Variants in SNX33 observed in about 807,000 individuals in gnomAD.
SNX33 encodes sorting nexin 33.
In SNX33, 19 loss-of-function variants were observed where a neutral mutation model predicts 38.8. That is an observed-to-expected ratio of 0.49 (90% CI 0.34 to 0.72). The LOEUF (loss-of-function observed/expected upper bound fraction) is 0.72, where lower values mean the gene tolerates loss of function less well. Ranked by LOEUF, SNX33 falls within the 30% of genes least tolerant of loss-of-function variation. The pLI is 0.01. For synonymous variants in SNX33, 246 were observed against 289.7 expected, an observed-to-expected ratio of 0.85 and a Z score of 1.53; for missense variants, 641 against 776.4, an observed-to-expected ratio of 0.83 and a Z score of 2.07.
chr15:75,653,796 T>A (rs913285048), intron 1 of SNX33, among the ~76,000 whole-genome samples: 2 of 152,158 alleles, frequency 1.3e-5, no homozygotes, highest in Admixed American at 1.3e-4. Context: ...GGGTTCAGCC[T>A]CTGGGTTCTG....
Position 75,649,939 on chromosome 15 carries a change from C to G in SNX33, c.837C>G (p.His279Gln). ...ACTGGCTCTATAACCGCCTGCTACA[C>G]AAGTTCACTGTCATCTCGGTGCCCC... ...HFDWLYNRLL[H>Q]KFTVISVPHL... The change falls in exon 1 of 2, where the codon CAC becomes CAG. Residue 279 changes from histidine to glutamine, a missense_variant. His to Gln is a conservative substitution (Grantham distance 24, BLOSUM62 0). Coordinates refer to ENST00000308527, the MANE Select transcript of SNX33 (RefSeq NM_153271.2). The surrounding 1 kb of genome is among the most constrained non-coding windows in gnomAD (Gnocchi z 6.6). 6.2e-7 allele frequency: 1 copy of G among 1,603,350 alleles called. No individual in the cohort carries two copies. Among genetic ancestry groups the G allele is most frequent in the Non-Finnish European group, 8.5e-7 (1 of 1,175,120 alleles).
chr15:75,659,047 G>A lies in SNX33; in HGVS notation c.*1832G>A, dbSNP rs1467480522. The A allele has an allele frequency of 6.6e-6, 1 of 152,334 alleles. No individual in the cohort carries two copies. The highest frequency in any genetic ancestry group is 1.5e-5 in the Non-Finnish European group (1 of 68,104). 9.4% of individuals were successfully genotyped at this position (152,334 alleles called of 1,614,324 possible). On this transcript the variant is annotated 3_prime_UTR_variant, in exon 2 of 2. Coordinates refer to ENST00000308527, the MANE Select transcript of SNX33 (RefSeq NM_153271.2). ...TTGCCCTTGAAAAGCCCTAGTCCAG[G>A]GGAGGGAAGTGGGGGACTCAGAAGC...
At position 75,649,937 on chromosome 15, in the gene SNX33, C is replaced by T. The variant is rs766937527; in HGVS notation, c.835C>T (p.His279Tyr). The T allele has an allele frequency of 1.2e-6, 2 of 1,602,930 alleles. No individual in the cohort carries two copies. Among genetic ancestry groups the T allele is most frequent in the Non-Finnish European group, 1.7e-6 (2 of 1,174,916 alleles). The change falls in exon 1 of 2, where the codon CAC (histidine) becomes TAC (tyrosine). Residue 279 changes from histidine (H) to tyrosine (Y), a missense_variant. Coordinates refer to ENST00000308527, the MANE Select transcript of SNX33 (RefSeq NM_153271.2). This position sits in a 1 kb window ranked among gnomAD's most constrained non-coding sequence, Gnocchi z 6.6. Reference sequence around the variant, plus strand: ...TGACTGGCTCTATAACCGCCTGCTACACAAGTTCACTGTCATCTCGGTGCC... The same window carrying T: ...TGACTGGCTCTATAACCGCCTGCTATACAAGTTCACTGTCATCTCGGTGCC... ...HFDWLYNRLLHKFTVISVPHL... is the reference protein window; with the variant it reads ...HFDWLYNRLLYKFTVISVPHL...
At position 75,661,318 on chromosome 15, in the gene SNX33, T is replaced by G. The variant is rs1486008192; in HGVS notation, c.*4103T>G. ...CCGCCCTGCCCGCCTGCCCGCTGAC[T>G]CAGGCCTCCAGGAGCCAAGCCTGCT... On this transcript the variant is annotated 3_prime_UTR_variant, in exon 2 of 2. Transcript: ENST00000308527. This position sits in a 1 kb window ranked among gnomAD's most constrained non-coding sequence, Gnocchi z 4.5. The G allele has an allele frequency of 2.5e-5, 3 of 117,936 alleles. No individual in the cohort carries two copies. The Admixed American group carries it at 3.1e-4, about 12-fold the overall frequency. The allele number at this position is 117,936 out of a possible 1,614,324, so 7.3% of individuals were successfully genotyped here. A position where few individuals can be genotyped will look rare whatever the true frequency, so the allele number is the denominator to read the frequency against.
At position 75,650,562 on chromosome 15, in the gene SNX33, A is replaced by T. The variant is rs763972719; in HGVS notation, c.1460A>T (p.His487Leu). 26 of 1,597,416 alleles carry T rather than the reference A, an allele frequency of 1.6e-5. No individual in the cohort carries two copies. In the South Asian group the frequency reaches 2.8e-4, roughly 17 times the overall value. ...CTCTCCAACTTCCCTGACATCATCC[A>T]TCTACAAAAAGGTAAGGCCCAGTGC... Reference protein sequence around the residue: ...GLLSNFPDIIHLQKGAFAKVK... With the variant: ...GLLSNFPDIILLQKGAFAKVK... Residue 487 changes from histidine (H) to leucine (L), a missense_variant, in exon 1 of 2, where the codon CAT becomes CTT. By Grantham distance (99) the His-to-Leu change is moderately conservative. Coordinates refer to ENST00000308527, the MANE Select transcript of SNX33 (RefSeq NM_153271.2). This position sits in a 1 kb window ranked among gnomAD's most constrained non-coding sequence, Gnocchi z 6.1.
At chr15:75,651,629 G>A (rs906242681) in intron 1 of SNX33, among the ~76,000 whole-genome samples, 5 of 152,256 alleles carry the variant, frequency 3.3e-5, no homozygotes, top group Non-Finnish European at 5.9e-5. Context: ...TTCTCTTCTT[G>A]CCTGAGGAGA....
At chr15:75,656,860 C>T (rs991048796) in intron 1 of SNX33, 102 bp from the exon 2 acceptor site, 26 of 1,489,644 alleles carry the variant, frequency 1.7e-5, no homozygotes, top group Admixed American at 8.5e-5. Context: ...TCAGGAATGA[C>T]GTCCGAGTTG....
rs1227801627 is a variant in SNX33 at position 75,649,984 on chromosome 15, C to T, written c.882C>T (p.Ala294=). 6.2e-7 allele frequency: 1 copy of T among 1,603,034 alleles called. No homozygotes were observed. The highest frequency in any genetic ancestry group is 2.2e-5 in the East Asian group (1 of 44,778). ...ISVPHLPEKQ[A]TGRFEEDFIE... is the part of the protein sequence containing the mutation. ...TGCCCCACCTGCCTGAGAAGCAGGC[C>T]ACTGGCCGCTTCGAGGAGGACTTCA... Residue 294 remains alanine, a synonymous_variant, in exon 1 of 2, where the codon GCC becomes GCT. Transcript: ENST00000308527. The surrounding 1 kb of genome is among the most constrained non-coding windows in gnomAD (Gnocchi z 6.6).
intron 1 of SNX33, among the ~76,000 whole-genome samples, chr15:75,655,677 T>G (rs1335634504): frequency 2.0e-5 from 3 of 152,180 alleles, no homozygotes; most frequent in Non-Finnish European, 4.4e-5. Flanking sequence ...CACTGGACAA[T>G]TTGAGCCAGG....
intron 1 of SNX33, among the ~76,000 whole-genome samples, chr15:75,652,798 G>A (rs1893601274): frequency 6.6e-6 from 1 of 152,224 alleles, no homozygotes; most frequent in Admixed American, 6.5e-5. Context: ...AAGTTAGGGA[G>A]GGGGTACTGA....
Position 75,649,653 on chromosome 15 carries a change from A to G in SNX33, c.551A>G (p.Asn184Ser). 3 of 1,602,196 alleles carry G rather than the reference A, an allele frequency of 1.9e-6. No individual in the cohort carries two copies. Among genetic ancestry groups the G allele is most frequent in the Non-Finnish European group, 2.6e-6 (3 of 1,173,768 alleles). Residue 184 changes from asparagine to serine, a missense_variant, in exon 1 of 2, where the codon AAC (asparagine) becomes AGC (serine). By Grantham distance (46) the Asn-to-Ser change is conservative. This residue lies in a region of SNX33 where 398 missense variants were observed against 542.5 expected (regional missense o/e 0.73). Coordinates refer to ENST00000308527, the MANE Select transcript of SNX33 (RefSeq NM_153271.2). The surrounding 1 kb of genome is among the most constrained non-coding windows in gnomAD (Gnocchi z 6.6). Reference sequence around the variant, plus strand: ...GGCAGTGTGGTGGGCCGTAACCTCAACCGTTTCTCATGCTTTGTGCGTTCT... The same window carrying G: ...GGCAGTGTGGTGGGCCGTAACCTCAGCCGTTTCTCATGCTTTGTGCGTTCT... ...KRGSVVGRNL[N>S]RFSCFVRSGV...
chr15:75,648,847 CTG>C lies in SNX33; in HGVS notation c.-253_-252del. The C allele has an allele frequency of 2.6e-6, 1 of 390,480 alleles. No homozygotes were observed. The highest frequency in any genetic ancestry group is 4.5e-6 in the Non-Finnish European group (1 of 224,170). The allele number at this position is 390,480 out of a possible 1,614,324, so 24.2% of individuals were successfully genotyped here. A position where few individuals can be genotyped will look rare whatever the true frequency, so the allele number is the denominator to read the frequency against. On this transcript the variant is annotated 5_prime_UTR_variant, in exon 1 of 2. Transcript: ENST00000308527. The surrounding 1 kb of genome is among the most constrained non-coding windows in gnomAD (Gnocchi z 4.4). ...CAGAGGCTGCTAAGGGAGGAGGAGA[CTG>C]TGGACATGAGCCCTCCCTGCTCACA...
chr15:75,657,316 G>A lies in SNX33; in HGVS notation c.*101G>A. ...CCAGCAGTGACTGGGGGAGGGGTCA[G>A]CGGTGGGGGAGATAAGCGGCCTGTC... On this transcript the variant is annotated 3_prime_UTR_variant, in exon 2 of 2. Transcript: ENST00000308527. This position sits in a 1 kb window ranked among gnomAD's most constrained non-coding sequence, Gnocchi z 5.5. 3 of 1,551,824 alleles carry A rather than the reference G, an allele frequency of 1.9e-6. No individual in the cohort carries two copies. The highest frequency in any genetic ancestry group is 2.6e-6 in the Non-Finnish European group (3 of 1,147,148).
Position 75,656,998 on chromosome 15 carries a change from G to C in SNX33, c.1508G>C (p.Ser503Thr), listed in dbSNP as rs140843780. Reference sequence around the variant, plus strand: ...AAGGTGAAGGAGAGCCAACGCATGAGTGACGAGGGCCGCATGGTGCAGGAC... The same window carrying C: ...AAGGTGAAGGAGAGCCAACGCATGACTGACGAGGGCCGCATGGTGCAGGAC... ...FAKVKESQRM[S>T]DEGRMVQDEA... Residue 503 changes from serine to threonine, a missense_variant, in exon 2 of 2, where the codon AGT becomes ACT. Physicochemically the swap from Ser to Thr is moderately conservative, Grantham distance 58. This residue lies in a region of SNX33 where 398 missense variants were observed against 542.5 expected (regional missense o/e 0.73). Coordinates refer to ENST00000308527, the MANE Select transcript of SNX33 (RefSeq NM_153271.2). The C allele has an allele frequency of 4.6e-4, 748 of 1,613,972 alleles. 1 individual carries two copies. The highest frequency in any genetic ancestry group is 2.0e-3 in the Middle Eastern group (12 of 6,060).
At position 75,657,196 on chromosome 15, in the gene SNX33, G is replaced by T; in HGVS notation, c.1706G>T (p.Arg569Leu). ...RVGQQLEKTL[R>L]MYDNL The stretch of plus-strand genomic sequence containing the variant: ...GGCCAGCAGCTGGAGAAGACCCTGC[G>T]CATGTATGACAACCTCTGACCGCGT... The change falls in exon 2 of 2, where the codon CGC (arginine) becomes CTC (leucine). Residue 569 changes from arginine (R) to leucine (L), a missense_variant. Coordinates refer to ENST00000308527, the MANE Select transcript of SNX33 (RefSeq NM_153271.2). This position sits in a 1 kb window ranked among gnomAD's most constrained non-coding sequence, Gnocchi z 5.5. The T allele has an allele frequency of 6.2e-7, 1 of 1,614,080 alleles. No individual in the cohort carries two copies. The highest frequency in any genetic ancestry group is 8.5e-7 in the Non-Finnish European group (1 of 1,179,992).
In SNX33 at chr15:75,648,936, G is replaced by T; in HGVS notation, c.-167G>T. Reference sequence around the variant, plus strand: ...GCCATGGACATTGCTTTGAAGAGGGGGAGACTGGACAGCATCTGTGGGTGC... The same window carrying T: ...GCCATGGACATTGCTTTGAAGAGGGTGAGACTGGACAGCATCTGTGGGTGC... On this transcript the variant is annotated 5_prime_UTR_variant, in exon 1 of 2. Coordinates refer to ENST00000308527, the MANE Select transcript of SNX33 (RefSeq NM_153271.2). This position sits in a 1 kb window ranked among gnomAD's most constrained non-coding sequence, Gnocchi z 4.4. 1 of 768,538 alleles carries T rather than the reference G, an allele frequency of 1.3e-6. No homozygotes were observed. Among genetic ancestry groups the T allele is most frequent in the Non-Finnish European group, 2.0e-6 (1 of 511,352 alleles). The allele number at this position is 768,538 out of a possible 1,614,324, so 47.6% of individuals were successfully genotyped here.
Position 75,660,610 on chromosome 15 carries a change from T to G in SNX33, c.*3395T>G, listed in dbSNP as rs1247016921. On this transcript the variant is annotated 3_prime_UTR_variant, in exon 2 of 2. Transcript: ENST00000308527. ...TTCACAGCCACAGCCACACATGCCTTGCCATCCATTCAAAGCACCAGTGGC... is the reference window on the plus strand; with the variant it reads ...TTCACAGCCACAGCCACACATGCCTGGCCATCCATTCAAAGCACCAGTGGC... 3.3e-5 allele frequency: 5 copies of G among 152,942 alleles called. No individual in the cohort carries two copies. In the East Asian group the frequency reaches 9.6e-4, roughly 29 times the overall value. 9.5% of individuals were successfully genotyped at this position (152,942 alleles called of 1,614,324 possible).
At chr15:75,655,863 C>T (rs921205616) in intron 1 of SNX33, among the ~76,000 whole-genome samples, 2 of 152,186 alleles carry the variant, frequency 1.3e-5, no homozygotes, top group Non-Finnish European at 1.5e-5. Flanking sequence ...ATGGTGGATT[C>T]TCTGCAGCCC....
chr15:75,650,584 G>A lies in SNX33; in HGVS notation c.1471+11G>A. ...TCCATCTACAAAAAGGTAAGGCCCA[G>A]TGCAGGCAGGAAACTCGTCCTGAGT... On this transcript the variant is annotated intron_variant, in intron 1 of 1. Transcript: ENST00000308527. The surrounding 1 kb of genome is among the most constrained non-coding windows in gnomAD (Gnocchi z 6.1). 6.4e-7 allele frequency: 1 copy of A among 1,570,780 alleles called. No homozygotes were observed. The highest frequency in any genetic ancestry group is 8.6e-7 in the Non-Finnish European group (1 of 1,157,130).
Sources: gnomAD v4.1 joint callset for allele counts (sites outside exome capture counted in the v4.1 genomes callset) on GRCh38, gnomAD v4.1.1 for gene constraint, gnomAD v4.1.1 regional missense constraint, Gnocchi (gnomAD v3.1) non-coding constraint, MANE v1.5 for transcripts, NCBI Gene and HGNC (gene_info 2026-07-23, HGNC 2026-07-21) for gene names.